Variants in C1orf159 observed in about 807,000 individuals in gnomAD.
The protein encoded by C1orf159 is uncharacterized protein C1orf159.
C1orf159 carries 19 observed loss-of-function variants against 25.6 expected under a neutral mutation model. The ratio of observed to expected loss-of-function variants is 0.74; its 90% CI spans 0.52 to 1.09. The LOEUF is 1.09. C1orf159 is among the 50% of genes least tolerant of loss of function. C1orf159 has a pLI of 0.00. For missense variants in C1orf159, 274 were observed against 290.6 expected (o/e 0.94, Z 0.42); for synonymous variants, 139 against 124.7 (o/e 1.12, Z -0.77).
chr1:1,082,788 CTGTCCCG>C lies in C1orf159; in HGVS notation c.*98_*104del. On this transcript the variant is annotated 3_prime_UTR_variant, in exon 10 of 10. Coordinates refer to ENST00000421241, the MANE Select transcript of C1orf159 (RefSeq NM_017891.5). The stretch of plus-strand genomic sequence containing the variant: ...CTCAGAGCCGAGGCTGTGCCCAGGA[CTGTCCCG>C]GGCGCCGGGCGATGCCAACACTTTG... 9.4e-7 allele frequency: 1 copy of C among 1,062,060 alleles called. No homozygotes were observed. The allele number at this position is 1,062,060 out of a possible 1,614,324, so 65.8% of individuals were successfully genotyped here.
intron 1 of C1orf159, among the ~76,000 whole-genome samples, chr1:1,094,505 A>G (rs898602422): frequency 6.6e-6 from 1 of 151,782 alleles, no homozygotes; most frequent in Admixed American, 6.6e-5. Context: ...GGTTCACACC[A>G]TTCTCCTGCC....
Position 1,087,953 on chromosome 1 carries a change from G to A in C1orf159, c.149-356C>T, listed in dbSNP as rs1054880949. 6.0e-5 allele frequency among the ~76,000 whole-genome samples: 9 copies of A among 150,924 alleles called. No homozygotes were observed. The highest frequency in any genetic ancestry group is 8.9e-5 in the Non-Finnish European group (6 of 67,742). ...GCTGCACTCCACGCCGAGCACCCCG[G>A]CCCTGAGCACCCCGACCCTGAGTAC... On this transcript the variant is annotated intron_variant, in intron 4 of 9. Transcript: ENST00000421241. The surrounding 1 kb of genome is among the most constrained non-coding windows in gnomAD (Gnocchi z 8.3).
In C1orf159 at chr1:1,099,659, T is replaced by C. The variant is rs891529948; in HGVS notation, c.-135-7556A>G. Among the ~76,000 whole-genome samples, 91 of 151,046 alleles carry C rather than the reference T, an allele frequency of 6.0e-4. 1 individual carries two copies. The highest frequency in any genetic ancestry group is 1.0e-3 in the Non-Finnish European group (70 of 67,654). ...GAGAGGTTAAAATCTCTGACTATGA[T>C]TGTGGATTGTCTGCTGATGTTTTTG... On this transcript the variant is annotated intron_variant, in intron 1 of 9. Transcript: ENST00000421241.
intron 1 of C1orf159, among the ~76,000 whole-genome samples, chr1:1,094,818 C>T (rs905850699): frequency 6.6e-6 from 1 of 152,058 alleles, no homozygotes; most frequent in Non-Finnish European, 1.5e-5. Flanking sequence ...TTTTTTATGT[C>T]CTAAGAAATC....
chr1:1,090,745 C>A, intron 3 of C1orf159: 1 of 846,884 alleles, frequency 1.2e-6, no homozygotes, highest in Non-Finnish European at 2.0e-6. Flanking sequence ...TGCAAGTCTC[C>A]GGAGGCTCTC....
chr1:1,109,676 G>A (rs577841805), intron 1 of C1orf159, among the ~76,000 whole-genome samples: 7 of 151,876 alleles, frequency 4.6e-5, no homozygotes, highest in Non-Finnish European at 8.8e-5. Context: ...GCTGTGTTTC[G>A]CAGGCTGGTC....
intron 1 of C1orf159, 177 bp from the exon 2 acceptor site, chr1:1,092,280 G>A (rs1005233010): frequency 8.6e-6 from 2 of 232,032 alleles, no homozygotes; most frequent in African/African-American, 4.7e-5. Context: ...CCCCCGAGCT[G>A]GCCTCCTGGC....
At position 1,087,159 on chromosome 1, in the gene C1orf159, G is replaced by A. The variant is rs752557836; in HGVS notation, c.290C>T (p.Thr97Ile). Residue 97 changes from threonine (T) to isoleucine (I), a missense_variant, in exon 6 of 10, where the codon ACC becomes ATC. Coordinates refer to ENST00000421241, the MANE Select transcript of C1orf159 (RefSeq NM_017891.5). The surrounding 1 kb of genome is among the most constrained non-coding windows in gnomAD (Gnocchi z 8.3). The stretch of plus-strand genomic sequence containing the variant: ...CTTACCAGGATGTGGCCGCCCGGGG[G>A]TCCCTGAGCTTCTGTTCATGGGGAA... ...APFPMNRSSG[T>I]PGRPHPGAPR... The A allele has an allele frequency of 8.1e-6, 13 of 1,610,400 alleles. 1 individual carries two copies. In the South Asian group the frequency reaches 9.9e-5, roughly 12 times the overall value.
At position 1,091,099 on chromosome 1, in the gene C1orf159, AG is replaced by A. The variant is rs1376091268; in HGVS notation, c.72+372del. On this transcript the variant is annotated intron_variant, in intron 3 of 9. Coordinates refer to ENST00000421241, the MANE Select transcript of C1orf159 (RefSeq NM_017891.5). ...CTCAAACGCCCCAGCCAGGACAGTG[AG>A]GGGTCCCCACCCTCCACCCGCTCCG... 3 of 862,166 alleles carry A rather than the reference AG, an allele frequency of 3.5e-6. No homozygotes were observed. The East Asian group carries it at 8.0e-5, about 23-fold the overall frequency. 53.4% of individuals were successfully genotyped at this position (862,166 alleles called of 1,614,324 possible).
intron 1 of C1orf159, among the ~76,000 whole-genome samples, chr1:1,095,023 A>C (rs566399134): frequency 1.1e-4 from 16 of 152,326 alleles, no homozygotes; most frequent in African/African-American, 3.8e-4. Context: ...ATTGAAAATC[A>C]ATGGACTATA....
At chr1:1,091,237 G>A in intron 3 of C1orf159, 1 of 632,126 alleles carries the variant, frequency 1.6e-6, no homozygotes, top group East Asian at 2.7e-5. Context: ...CCTCACCGTG[G>A]GGGCCCCGCC....
intron 3 of C1orf159, 193 bp downstream of exon 3, chr1:1,091,279 C>A (rs765637602): frequency 7.3e-6 from 5 of 689,232 alleles, no homozygotes; most frequent in Middle Eastern, 5.7e-4. Flanking sequence ...GGCGCTCACC[C>A]AGCAGGCAGC....
At chr1:1,104,322 C>A (rs1646141798) in intron 1 of C1orf159, among the ~76,000 whole-genome samples, 1 of 152,194 alleles carries the variant, frequency 6.6e-6, no homozygotes, top group African/African-American at 2.4e-5. Flanking sequence ...GTTAGTCACC[C>A]CACACTATCA....
intron 1 of C1orf159, among the ~76,000 whole-genome samples, chr1:1,111,053 T>G (rs1055930465): frequency 2.0e-5 from 3 of 152,240 alleles, no homozygotes; most frequent in African/African-American, 4.8e-5. Context: ...ACAAGCTCTG[T>G]GTGTTTCACT....
rs1193103684 is a variant in C1orf159 at position 1,084,392 on chromosome 1, GGA to G, written c.472-11_472-10del. Reference sequence around the variant, plus strand: ...GGGGGGATCATTGCAGCCTTGAAAAGGAGAGAAAGGCAGAGTGAGGACTCGGG... The same window carrying G: ...GGGGGGATCATTGCAGCCTTGAAAAGGAGAAAGGCAGAGTGAGGACTCGGG... On this transcript the variant is annotated splice_polypyrimidine_tract_variant and intron_variant, in intron 8 of 9. Transcript: ENST00000421241. 1 of 1,578,922 alleles carries G rather than the reference GGA, an allele frequency of 6.3e-7. No homozygotes were observed. The highest frequency in any genetic ancestry group is 2.3e-5 in the East Asian group (1 of 44,172).
intron 1 of C1orf159, among the ~76,000 whole-genome samples, chr1:1,114,231 T>G (rs1158719688): frequency 6.6e-6 from 1 of 152,106 alleles, no homozygotes; most frequent in Non-Finnish European, 1.5e-5. Context: ...CAGGGCCGCC[T>G]TCTCTTACCA....
In C1orf159 at chr1:1,083,738, T is replaced by A. The variant is rs1461844045; in HGVS notation, c.502+615A>T. On this transcript the variant is annotated intron_variant, in intron 9 of 9. Coordinates refer to ENST00000421241, the MANE Select transcript of C1orf159 (RefSeq NM_017891.5). ...AGGGCTGCTTTAGGGACGGGGCACG[T>A]CCAGCCTTGATGGAGAACGGTCTGT... The A allele has an allele frequency of 6.2e-6, 4 of 640,568 alleles. No individual in the cohort carries two copies. The East Asian group carries it at 1.1e-4, about 18-fold the overall frequency. The allele number at this position is 640,568 out of a possible 1,614,324, so 39.7% of individuals were successfully genotyped here.
intron 3 of C1orf159, chr1:1,090,750 G>A (rs1361323938): frequency 2.3e-6 from 2 of 859,776 alleles, no homozygotes; most frequent in African/African-American, 1.7e-5. Context: ...GTCTCCGGAG[G>A]CTCTCCATCA....
chr1:1,094,239 A>AGT (rs1645980289), intron 1 of C1orf159, among the ~76,000 whole-genome samples: 1 of 152,060 alleles, frequency 6.6e-6, no homozygotes, highest in Non-Finnish European at 1.5e-5. Context: ...CTGAGACTAC[A>AGT]GGTGCATGCT....
Sources: gnomAD v4.1 joint callset for allele counts (sites outside exome capture counted in the v4.1 genomes callset) on GRCh38, gnomAD v4.1.1 for gene constraint, Gnocchi (gnomAD v3.1) non-coding constraint, MANE v1.5 for transcripts, NCBI Gene and HGNC (gene_info 2026-07-23, HGNC 2026-07-21) for gene names.